The following ITIH3 variants were observed in gnomAD, a reference collection of about 807,000 sequenced individuals.
The protein encoded by ITIH3 is inter-alpha-trypsin inhibitor heavy chain H3.
In ITIH3, 81 loss-of-function variants were observed where a neutral mutation model predicts 96.5. That is an observed-to-expected ratio of 0.84 (90% CI 0.70 to 1.01). ITIH3 has a LOEUF of 1.01. ITIH3 is among the 50% of genes least tolerant of loss of function. The pLI, the probability that ITIH3 is intolerant of heterozygous loss-of-function variation, is 0.00. For missense variants in ITIH3, 1,057 were observed against 1,139.3 expected (o/e 0.93, Z 1.04); for synonymous variants, 422 against 445.2 (o/e 0.95, Z 0.66).
At chr3:52,796,131 T>G in intron 2 of ITIH3, 2 of 264,788 alleles carry the variant, frequency 7.6e-6, no homozygotes, top group Non-Finnish European at 1.4e-5. Context: ...GTGTGAGGTG[T>G]GGAGGATGAG....
chr3:52,797,231 C>T lies in ITIH3; in HGVS notation c.513C>T (p.Leu171=). Residue 171 remains leucine, a synonymous_variant, in exon 5 of 22, where the codon CTC becomes CTT. Transcript: ENST00000449956. ...KRHKGKYEMY[L]KVQPKQLVKH... The stretch of plus-strand genomic sequence containing the variant: ...ACAAGGGCAAGTACGAGATGTACCT[C>T]AAGGTCCAGCCTAAGCAACTGGTCA... 6.2e-7 allele frequency: 1 copy of T among 1,607,118 alleles called. No homozygotes were observed. Among genetic ancestry groups the T allele is most frequent in the Non-Finnish European group, 8.5e-7 (1 of 1,177,168 alleles).
In ITIH3 at chr3:52,800,660, G is replaced by A. The variant is rs775411564; in HGVS notation, c.1198G>A (p.Val400Ile). The A allele has an allele frequency of 6.3e-6, 10 of 1,598,542 alleles. No homozygotes were observed. In the Admixed American group the frequency reaches 1.6e-4, roughly 25 times the overall value. Residue 400 changes from valine to isoleucine, a missense_variant, in exon 10 of 22, where the codon GTT becomes ATT. Coordinates refer to ENST00000449956, the MANE Select transcript of ITIH3 (RefSeq NM_002217.4). ...VIMLTDGDAN[V>I]GESRPEKIQE... is the part of the protein sequence containing the mutation. ...CATGCTGACTGATGGGGATGCCAAT[G>A]TTGGTGAGGAGCACGGGCATGGTTT...
chr3:52,801,600 T>C (rs1452708199), intron 11 of ITIH3, among the ~76,000 whole-genome samples: 2 of 152,162 alleles, frequency 1.3e-5, no homozygotes, highest in African/African-American at 4.8e-5. Flanking sequence ...GCCTCTTTCC[T>C]TTTCTCCATG....
chr3:52,795,687 C>A, intron 2 of ITIH3, 64 bp downstream of exon 2: 1 of 1,506,810 alleles, frequency 6.6e-7, no homozygotes, highest in African/African-American at 1.4e-5. Context: ...GGTTCCCCAA[C>A]TGCTGAAGGT....
At chr3:52,803,317 TTA>T (rs1699914293) in intron 13 of ITIH3, among the ~76,000 whole-genome samples, 7 of 113,962 alleles carry the variant, frequency 6.1e-5, no homozygotes, top group African/African-American at 4.4e-4. Context: ...TTTTATTTTA[TTA>T]TTATTATTTT....
At position 52,801,077 on chromosome 3, in the gene ITIH3, C is replaced by A. The variant is rs539970798; in HGVS notation, c.1314C>A (p.Asn438Lys). 6.2e-7 allele frequency: 1 copy of A among 1,611,520 alleles called. No homozygotes were observed. The highest frequency in any genetic ancestry group is 1.3e-5 in the African/African-American group (1 of 75,018). Residue 438 changes from asparagine (N) to lysine (K), a missense_variant, in exon 11 of 22, where the codon AAC becomes AAA. By Grantham distance (94) the Asn-to-Lys change is moderately conservative (BLOSUM62 0). Coordinates refer to ENST00000449956, the MANE Select transcript of ITIH3 (RefSeq NM_002217.4). ...GNNLNYNFLE[N>K]MALENHGFAR... ...ATCTGAATTATAACTTCCTGGAGAA[C>A]ATGGCCCTGGAGAACCATGGGTTTG...
Position 52,798,843 on chromosome 3 carries a change from C to T in ITIH3, c.664-123C>T, listed in dbSNP as rs1457381225. The T allele has an allele frequency of 4.8e-6, 6 of 1,242,568 alleles. No homozygotes were observed. In the African/African-American group the frequency reaches 6.0e-5, roughly 12 times the overall value. 77.0% of individuals were successfully genotyped at this position (1,242,568 alleles called of 1,614,324 possible). On this transcript the variant is annotated intron_variant, in intron 6 of 21. Coordinates refer to ENST00000449956, the MANE Select transcript of ITIH3 (RefSeq NM_002217.4). ...GCCCAGGCCTCCAGCTCTTGCTAGC[C>T]TCTGCCCTGCCAAGGGCTCCTCCCT...
intron 21 of ITIH3, 84 bp from the exon 22 acceptor site, chr3:52,808,468 C>T: frequency 6.4e-7 from 1 of 1,557,994 alleles, no homozygotes; most frequent in South Asian, 1.1e-5. Context: ...TGCCAACTTC[C>T]CACCCTTTTT....
intron 6 of ITIH3, among the ~76,000 whole-genome samples, chr3:52,798,348 G>C (rs1459923136): frequency 1.3e-5 from 2 of 152,148 alleles, no homozygotes; most frequent in Admixed American, 1.3e-4. Flanking sequence ...AGCTGTTCCA[G>C]GGGCCTTAAT....
intron 19 of ITIH3, among the ~76,000 whole-genome samples, chr3:52,807,344 A>T (rs1700095034): frequency 6.6e-6 from 1 of 152,196 alleles, no homozygotes; most frequent in Non-Finnish European, 1.5e-5. Context: ...GGGTGAAGGC[A>T]TTAGGTGATA....
chr3:52,805,766 G>T (rs200100736), intron 15 of ITIH3, 42 bp from the exon 16 acceptor site: 18 of 1,611,136 alleles, frequency 1.1e-5, no homozygotes, highest in Non-Finnish European at 1.4e-5. Context: ...GGGGGAGAAG[G>T]AACCCCTAGA....
chr3:52,800,862 T>A, intron 10 of ITIH3, 103 bp from the exon 11 acceptor site: 5 of 1,527,268 alleles, frequency 3.3e-6, no homozygotes, highest in Non-Finnish European at 4.5e-6. Context: ...TGGTCGTGAC[T>A]CCAGCAACTC....
rs1699974890 is a variant in ITIH3, at chr3:52,804,739, G to A, written c.1873+5G>A. On this transcript the variant is annotated splice_donor_5th_base_variant and intron_variant, in intron 15 of 21. Coordinates refer to ENST00000449956, the MANE Select transcript of ITIH3 (RefSeq NM_002217.4). ...CTGCACCTGCAGATGCAGAAGGTAA[G>A]CCTTTAGCCAGCCACCGGGTTGGGC... 6 of 1,588,940 alleles carry A rather than the reference G, an allele frequency of 3.8e-6. No individual in the cohort carries two copies. In the East Asian group the frequency reaches 1.1e-4, roughly 30 times the overall value.
chr3:52,800,753 C>A, intron 10 of ITIH3, 90 bp downstream of exon 10: 2 of 1,528,906 alleles, frequency 1.3e-6, no homozygotes, highest in Admixed American at 1.9e-5. Context: ...AAACCTGGGG[C>A]AGCTCTTCCC....
Position 52,799,930 on chromosome 3 carries a change from G to A in ITIH3, c.1075+9G>A, listed in dbSNP as rs753157665. The A allele has an allele frequency of 1.8e-5, 29 of 1,611,620 alleles. 1 individual carries two copies. The highest frequency in any genetic ancestry group is 4.4e-5 in the South Asian group (4 of 90,798). On this transcript the variant is annotated intron_variant, in intron 9 of 21. Coordinates refer to ENST00000449956, the MANE Select transcript of ITIH3 (RefSeq NM_002217.4). ...CATGGAGGATAAAGGAAGTAAGAGC[G>A]GAGCTGGAGCCCACACACCTCCTAG... is the stretch of plus-strand genomic sequence containing the variant.
intron 11 of ITIH3, 162 bp from the exon 12 acceptor site, chr3:52,802,172 C>CG (rs1455243933): frequency 6.2e-6 from 4 of 644,780 alleles, no homozygotes; most frequent in Admixed American, 3.1e-5. Flanking sequence ...AGGGAGTTGC[C>CG]GGGGGGAGGC....
intron 20 of ITIH3, 85 bp downstream of exon 20, chr3:52,808,001 C>T (rs1381376766): frequency 3.8e-6 from 6 of 1,571,816 alleles, no homozygotes; most frequent in Non-Finnish European, 5.2e-6. Context: ...GCACCCTGTA[C>T]CCAGCTCACA....
At chr3:52,800,066 C>T in intron 9 of ITIH3, 145 bp downstream of exon 9, 1 of 716,522 alleles carries the variant, frequency 1.4e-6, no homozygotes, top group Non-Finnish European at 2.3e-6. Context: ...GGATGGTCCT[C>T]AGGCTTGAAG....
intron 18 of ITIH3, 48 bp downstream of exon 18, chr3:52,806,454 G>A: frequency 6.8e-7 from 1 of 1,461,760 alleles, no homozygotes; most frequent in Non-Finnish European, 9.4e-7. Context: ...TTCCTGGGAG[G>A]GCTTGGGTCC....
Sources: gnomAD v4.1 joint callset for allele counts (sites outside exome capture counted in the v4.1 genomes callset) on GRCh38, gnomAD v4.1.1 for gene constraint, MANE v1.5 for transcripts, NCBI Gene and HGNC (gene_info 2026-07-23, HGNC 2026-07-21) for gene names.